PARD3B: variants seen among roughly 807,000 people sequenced by gnomAD.
PARD3B encodes the protein partitioning defective 3 homolog B.
Under a neutral mutation model 130.2 loss-of-function variants are expected in PARD3B, and 103 were observed. That is an observed-to-expected ratio of 0.79 (90% CI 0.67 to 0.93). The LOEUF (loss-of-function observed/expected upper bound fraction) is 0.93, where lower values mean the gene tolerates loss of function less well. PARD3B is among the 40% of genes least tolerant of loss of function. The pLI is 0.00. For synonymous variants in PARD3B, 583 were observed against 553.2 expected, an observed-to-expected ratio of 1.05 and a Z score of -0.76; for missense variants, 1,609 against 1,499.2, an observed-to-expected ratio of 1.07 and a Z score of -1.21.
Position 205,122,507 on chromosome 2 carries a change from A to C in PARD3B, c.1165+558A>C, listed in dbSNP as rs1435901049. ...ACTTTTCTATCCATTTCAAGCACAG[A>C]TCAGTGAGAAGAGATCATGTGTGTA... is the stretch of plus-strand genomic sequence containing the variant. On this transcript the variant is annotated intron_variant, in intron 8 of 22. Transcript: ENST00000406610. The surrounding 1 kb of genome is among the most constrained non-coding windows in gnomAD (Gnocchi z 4.3). 2.0e-5 allele frequency among the ~76,000 whole-genome samples: 3 copies of C among 152,224 alleles called. No individual in the cohort carries two copies. In the East Asian group the frequency reaches 5.8e-4, roughly 29 times the overall value.
At chr2:205,256,773 A>G (rs770075910) in intron 16 of PARD3B, among the ~76,000 whole-genome samples, 2 of 152,124 alleles carry the variant, frequency 1.3e-5, no homozygotes, top group Non-Finnish European at 2.9e-5. Context: ...GGGAGCTTCT[A>G]GTTTCTGGGA....
intron 3 of PARD3B, among the ~76,000 whole-genome samples, chr2:205,035,819 ATCTATATAT>A (rs1385471089): frequency 2.6e-5 from 2 of 77,318 alleles, no homozygotes; most frequent in African/African-American, 1.1e-4. Context: ...ATATATATAT[ATCTATATAT>A]CTATATATAT....
At chr2:204,704,583 A>G (rs1304885152) in intron 2 of PARD3B, among the ~76,000 whole-genome samples, 1 of 152,208 alleles carries the variant, frequency 6.6e-6, no homozygotes, top group Non-Finnish European at 1.5e-5. Context: ...TGGCATGAAG[A>G]TTTTAATGCA....
chr2:204,597,878 A>G (rs1460112274), intron 1 of PARD3B, among the ~76,000 whole-genome samples: 2 of 152,230 alleles, frequency 1.3e-5, no homozygotes, highest in Non-Finnish European at 2.9e-5. Flanking sequence ...AGAGTCACTG[A>G]ATATGTAAAT....
At chr2:205,387,705 A>G (rs940580799) in intron 18 of PARD3B, among the ~76,000 whole-genome samples, 8 of 152,226 alleles carry the variant, frequency 5.3e-5, no homozygotes, top group African/African-American at 1.7e-4. Context: ...AGGATTAGTT[A>G]TTGGAGGTCA....
At chr2:204,783,139 A>G (rs957937054) in intron 2 of PARD3B, among the ~76,000 whole-genome samples, 7 of 152,130 alleles carry the variant, frequency 4.6e-5, no homozygotes, top group Non-Finnish European at 8.8e-5. Flanking sequence ...TTGTCTTTCA[A>G]TGATTTCATA....
intron 15 of PARD3B, among the ~76,000 whole-genome samples, chr2:205,214,511 C>T (rs2037813518): frequency 6.6e-6 from 1 of 151,540 alleles, no homozygotes; most frequent in Non-Finnish European, 1.5e-5. Flanking sequence ...AAAATCCTGA[C>T]TCAAAGAAGA....
At chr2:204,694,581 G>T (rs1008611081) in intron 2 of PARD3B, among the ~76,000 whole-genome samples, 1 of 151,938 alleles carries the variant, frequency 6.6e-6, no homozygotes, top group Non-Finnish European at 1.5e-5. Flanking sequence ...ACCAAACTAC[G>T]TTGTCTCTTT....
At chr2:204,825,710 T>C (rs1012842739) in intron 2 of PARD3B, among the ~76,000 whole-genome samples, 2 of 152,180 alleles carry the variant, frequency 1.3e-5, no homozygotes, top group South Asian at 2.1e-4. Flanking sequence ...ATATATAGTT[T>C]CCCAGTAATT....
intron 14 of PARD3B, among the ~76,000 whole-genome samples, chr2:205,192,707 A>G (rs2036460666): frequency 6.6e-6 from 1 of 152,328 alleles, no homozygotes; most frequent in Admixed American, 6.5e-5. Flanking sequence ...TAGTTTTAGG[A>G]AAAAGACCTA....
intron 16 of PARD3B, among the ~76,000 whole-genome samples, chr2:205,272,799 A>G (rs2040782753): frequency 1.3e-5 from 2 of 152,178 alleles, no homozygotes; most frequent in Admixed American, 1.3e-4. Context: ...CAAAAACTTA[A>G]CCTCAGATGC....
chr2:205,487,540 A>G (rs1044126149), intron 20 of PARD3B, among the ~76,000 whole-genome samples: 4 of 152,214 alleles, frequency 2.6e-5, no homozygotes, highest in Non-Finnish European at 5.9e-5. Context: ...TGTGTGGTCC[A>G]TTAAAACTTA....
At chr2:204,829,047 T>C (rs1435583123) in intron 2 of PARD3B, among the ~76,000 whole-genome samples, 4 of 152,234 alleles carry the variant, frequency 2.6e-5, no homozygotes, top group East Asian at 1.9e-4. Flanking sequence ...AACTGTGTTA[T>C]ATCATGTAAC....
At chr2:205,516,258 T>G (rs2050788719) in intron 21 of PARD3B, among the ~76,000 whole-genome samples, 2 of 152,084 alleles carry the variant, frequency 1.3e-5, no homozygotes, top group African/African-American at 4.8e-5. Context: ...TTTTTGCTTA[T>G]GATTGCCTTT....
rs1553542788 is a variant in PARD3B at position 205,550,951 on chromosome 2, A to ATATATATATATATATG, written c.3181-2372_3181-2371insATATATATATATATGT. Among the ~76,000 whole-genome samples, 51 of 77,566 alleles carry ATATATATATATATATG rather than the reference A, an allele frequency of 6.6e-4. No individual in the cohort carries two copies. Among genetic ancestry groups the ATATATATATATATATG allele is most frequent in the Non-Finnish European group, 1.2e-3 (40 of 34,726 alleles). 50.9% of individuals were successfully genotyped at this position (77,566 alleles called of 152,430 possible). ...TGTGTGTGTGTGTGTGTATATATAT[A>ATATATATATATATATG]TGTGTATATATATATATATATATAT... On this transcript the variant is annotated intron_variant, in intron 21 of 22. Coordinates refer to ENST00000406610, the MANE Select transcript of PARD3B (RefSeq NM_001302769.2). The surrounding 1 kb of genome is among the most constrained non-coding windows in gnomAD (Gnocchi z 4.5).
intron 2 of PARD3B, among the ~76,000 whole-genome samples, chr2:204,729,556 T>C (rs569531764): frequency 6.6e-6 from 1 of 152,312 alleles, no homozygotes; most frequent in Non-Finnish European, 1.5e-5. Flanking sequence ...ACATCTCGTG[T>C]CTCAAAGTGT....
At chr2:204,866,984 TC>T (rs1215324396) in intron 2 of PARD3B, among the ~76,000 whole-genome samples, 33 of 151,842 alleles carry the variant, frequency 2.2e-4, no homozygotes, top group African/African-American at 7.7e-4. Flanking sequence ...CAGGAGAATC[TC>T]CTGAAACCAG....
At chr2:205,222,224 A>G (rs928507888) in intron 15 of PARD3B, among the ~76,000 whole-genome samples, 2 of 152,066 alleles carry the variant, frequency 1.3e-5, no homozygotes, top group Admixed American at 1.3e-4. Flanking sequence ...ATAGGTTGGT[A>G]TGAAATTCTA....
intron 18 of PARD3B, among the ~76,000 whole-genome samples, chr2:205,400,665 G>C (rs1019406288): frequency 1.3e-5 from 2 of 151,422 alleles, no homozygotes; most frequent in African/African-American, 4.9e-5. Context: ...AAAAACTAAA[G>C]AAAGTCCTAC....
Sources: allele counts gnomAD v4.1 joint callset (sites outside exome capture counted in the v4.1 genomes callset), GRCh38; gene constraint gnomAD v4.1.1; non-coding constraint Gnocchi (gnomAD v3.1); transcripts MANE v1.5; gene names NCBI Gene and HGNC (gene_info 2026-07-23, HGNC 2026-07-21).